The following OR51V1 variants were observed in gnomAD, a reference collection of about 807,000 sequenced individuals.
OR51V1 encodes the protein olfactory receptor family 51 subfamily V member 1, also known as olfactory receptor 51V1.
OR51V1 carries 16 observed loss-of-function variants against 16.3 expected under a neutral mutation model. That is an observed-to-expected ratio of 0.98 (90% CI 0.67 to 1.49). The LOEUF is 1.49. Among genes scored for constraint, OR51V1 ranks in the 40% most tolerant of loss-of-function variants. OR51V1 has a pLI of 0.00. For missense variants in OR51V1, 469 were observed against 380.4 expected (o/e 1.23, Z -1.94); for synonymous variants, 189 against 142.2 (o/e 1.33, Z -2.34).
rs11036212 is a variant in OR51V1, at chr11:5,200,595, G to A, written c.88C>T (p.Leu30Phe). 0.78 allele frequency: 1,264,631 copies of A among 1,612,382 alleles called. 504,118 individuals are homozygous for A. Among genetic ancestry groups the A allele is most frequent in the Middle Eastern group, 0.85 (5,148 of 6,060 alleles). The change falls in exon 1 of 1, where the codon CTT (leucine) becomes TTT (phenylalanine). Residue 30 changes from leucine to phenylalanine, a missense_variant. By Grantham distance (22) the Leu-to-Phe change is conservative (BLOSUM62 0). Coordinates refer to ENST00000641270, the MANE Select transcript of OR51V1 (RefSeq NM_001004760.3). ...TAGATTGAGGAGAAGGGGATGGAAA[G>A]CCAGGGGTATTGCTGCTCCATGCCA... is the stretch of plus-strand genomic sequence containing the variant. Reference protein sequence around the residue: ...FSGMEQQYPWLSIPFSSIYAM... With the variant: ...FSGMEQQYPWFSIPFSSIYAM...
rs756693441 is a variant in OR51V1 at position 5,199,781 on chromosome 11, T to C, written c.902A>G (p.Gln301Arg). ...GAGTCTAAGCATTCTGGTATGAATC[T>C]GTTGGGTCTTGACACTGTAGATGAT... Reference protein sequence around the residue: ...NPIIYSVKTQQIHTRMLRLFS... With the variant: ...NPIIYSVKTQRIHTRMLRLFS... The change falls in exon 1 of 1, where the codon CAG (glutamine) becomes CGG (arginine). Residue 301 changes from glutamine (Q) to arginine (R), a missense_variant. Coordinates refer to ENST00000641270, the MANE Select transcript of OR51V1 (RefSeq NM_001004760.3). 6.2e-7 allele frequency: 1 copy of C among 1,613,072 alleles called. No homozygotes were observed. Among genetic ancestry groups the C allele is most frequent in the South Asian group, 1.1e-5 (1 of 91,008 alleles).
rs754812036 is a variant in OR51V1 at position 5,200,171 on chromosome 11, T to G, written c.512A>C (p.Tyr171Ser). Residue 171 changes from tyrosine (Y) to serine (S), a missense_variant, in exon 1 of 1, where the codon TAC becomes TCC. Physicochemically the swap from Tyr to Ser is moderately radical, Grantham distance 144. Coordinates refer to ENST00000641270, the MANE Select transcript of OR51V1 (RefSeq NM_001004760.3). ...GTGAGAAAGGATGTGGAAATGACAGTAATTAAAAAATTTCAGACAGATGAT... is the reference window on the plus strand; with the variant it reads ...GTGAGAAAGGATGTGGAAATGACAGGAATTAAAAAATTTCAGACAGATGAT... ...PPIICLKFFN[Y>S]CHFHILSHSF... 26 of 1,612,922 alleles carry G rather than the reference T, an allele frequency of 1.6e-5. No individual in the cohort carries two copies. Among genetic ancestry groups the G allele is most frequent in the Non-Finnish European group, 2.1e-5 (25 of 1,179,174 alleles).
rs1355166280 is a variant in OR51V1, at chr11:5,199,891, C to T, written c.792G>A (p.Val264=). ...FYIPIISLTM[V]HRFGKHLSPV... ...GGGAAAGGTGCTTGCCAAAACGGTG[C>T]ACCATTGTGAGGCTAATGATAGGGA... Residue 264 remains valine, a synonymous_variant, in exon 1 of 1, where the codon GTG becomes GTA. Coordinates refer to ENST00000641270, the MANE Select transcript of OR51V1 (RefSeq NM_001004760.3). 2 of 1,613,890 alleles carry T rather than the reference C, an allele frequency of 1.2e-6. No individual in the cohort carries two copies. The highest frequency in any genetic ancestry group is 1.3e-5 in the African/African-American group (1 of 74,878).
rs367618530 is a variant in OR51V1, at chr11:5,199,856, T to C, written c.827A>G (p.His276Arg). Residue 276 changes from histidine (H) to arginine (R), a missense_variant, in exon 1 of 1, where the codon CAC (histidine) becomes CGC (arginine). Physicochemically the swap from His to Arg is conservative, Grantham distance 29. Coordinates refer to ENST00000641270, the MANE Select transcript of OR51V1 (RefSeq NM_001004760.3). ...GATGTAGATGTTGCCAATGAGAACG[T>C]GGGCCACGGGGGAAAGGTGCTTGCC... is the stretch of plus-strand genomic sequence containing the variant. Reference protein sequence around the residue: ...RFGKHLSPVAHVLIGNIYILF... With the variant: ...RFGKHLSPVARVLIGNIYILF... The C allele has an allele frequency of 6.2e-7, 1 of 1,614,140 alleles. No homozygotes were observed.
Position 5,199,840 on chromosome 11 carries a change from G to A in OR51V1, c.843C>T (p.Asn281=), listed in dbSNP as rs1847186740. 1 of 1,614,140 alleles carries A rather than the reference G, an allele frequency of 6.2e-7. No individual in the cohort carries two copies. Among genetic ancestry groups the A allele is most frequent in the Non-Finnish European group, 8.5e-7 (1 of 1,180,008 alleles). The change falls in exon 1 of 1, where the codon AAC becomes AAT. Residue 281 remains asparagine (N), a synonymous_variant. Transcript: ENST00000641270. Reference sequence around the variant, plus strand: ...TTAAAGGTGGGAAAAGGATGTAGATGTTGCCAATGAGAACGTGGGCCACGG... The same window carrying A: ...TTAAAGGTGGGAAAAGGATGTAGATATTGCCAATGAGAACGTGGGCCACGG... The part of the protein sequence containing the change: ...LSPVAHVLIG[N]IYILFPPLMN...
rs1174548948 is a variant in OR51V1 at position 5,200,110 on chromosome 11, G to A, written c.573C>T (p.Ala191=). ...FCLHQDLLRL[A]CSDIRFNSYY... is the part of the protein sequence containing the mutation. ...AACTATTGAATCGGATGTCTGAACA[G>A]GCTAAGCGGAGAAGATCCTGGTGCA... Residue 191 remains alanine, a synonymous_variant, in exon 1 of 1, where the codon GCC becomes GCT. Transcript: ENST00000641270. 6.2e-7 allele frequency: 1 copy of A among 1,613,866 alleles called. No individual in the cohort carries two copies. Among genetic ancestry groups the A allele is most frequent in the Non-Finnish European group, 8.5e-7 (1 of 1,179,770 alleles).
chr11:5,200,554 C>T lies in OR51V1; in HGVS notation c.129G>A (p.Leu43=), dbSNP rs139710987. The change falls in exon 1 of 1, where the codon TTG becomes TTA. Residue 43 remains leucine (L), a synonymous_variant. Transcript: ENST00000641270. ...TCACATGGAGAACCATGCAATTGCC[C>T]AAAAGCACCATGGCATAGATTGAGG... ...PFSSIYAMVL[L]GNCMVLHVIW... is the part of the protein sequence containing the mutation. The T allele has an allele frequency of 7.7e-4, 1,239 of 1,613,806 alleles. 1 individual carries two copies. The highest frequency in any genetic ancestry group is 9.9e-4 in the Non-Finnish European group (1,169 of 1,179,804).
In OR51V1 at chr11:5,199,854, C is replaced by T. The variant is rs201148803; in HGVS notation, c.829G>A (p.Val277Ile). ...FGKHLSPVAHVLIGNIYILFP... is the reference protein window; with the variant it reads ...FGKHLSPVAHILIGNIYILFP... ...AGGATGTAGATGTTGCCAATGAGAA[C>T]GTGGGCCACGGGGGAAAGGTGCTTG... Residue 277 changes from valine to isoleucine, a missense_variant, in exon 1 of 1, where the codon GTT (valine) becomes ATT (isoleucine). By Grantham distance (29) the Val-to-Ile change is conservative. Coordinates refer to ENST00000641270, the MANE Select transcript of OR51V1 (RefSeq NM_001004760.3). The T allele has an allele frequency of 9.9e-6, 16 of 1,614,072 alleles. 1 individual carries two copies. The East Asian group carries it at 1.1e-4, about 11-fold the overall frequency.
rs781234402 is a variant in OR51V1 at position 5,199,820 on chromosome 11, G to A, written c.863C>T (p.Pro288Leu). 2.5e-6 allele frequency: 4 copies of A among 1,613,858 alleles called. No individual in the cohort carries two copies. The African/African-American group carries it at 5.3e-5, about 22-fold the overall frequency. Residue 288 changes from proline to leucine, a missense_variant, in exon 1 of 1, where the codon CCT becomes CTT. Physicochemically the swap from Pro to Leu is moderately conservative, Grantham distance 98. Transcript: ENST00000641270. The part of the protein sequence containing the change: ...LIGNIYILFP[P>L]LMNPIIYSVK... The stretch of plus-strand genomic sequence containing the variant: ...ACTGTAGATGATGGGATTCATTAAA[G>A]GTGGGAAAAGGATGTAGATGTTGCC...
rs769040697 is a variant in OR51V1 at position 5,199,977 on chromosome 11, C to A, written c.706G>T (p.Glu236Ter). 6.2e-7 allele frequency: 1 copy of A among 1,614,106 alleles called. No individual in the cohort carries two copies. The change falls in exon 1 of 1, where the codon GAG becomes TAG. Residue 236 changes from glutamate to a stop codon, truncating the protein, a stop_gained. Transcript: ENST00000641270. LOFTEE classifies it high-confidence loss of function. Reference protein sequence around the residue: ...KSVLAVASQEERHKLFQTCIS... With the variant: ...KSVLAVASQE ...CAGGTCTGAAATAATTTATGCCTCT[C>A]TTCCTGAGAGGCAACTGCCAGGACT...
At position 5,199,809 on chromosome 11, in the gene OR51V1, G is replaced by A; in HGVS notation, c.874C>T (p.Pro292Ser). 2 of 1,613,776 alleles carry A rather than the reference G, an allele frequency of 1.2e-6. No individual in the cohort carries two copies. The highest frequency in any genetic ancestry group is 1.1e-5 in the South Asian group (1 of 91,068). ...TGGGTCTTGACACTGTAGATGATGG[G>A]ATTCATTAAAGGTGGGAAAAGGATG... ...IYILFPPLMN[P>S]IIYSVKTQQI... The change falls in exon 1 of 1, where the codon CCC (proline) becomes TCC (serine). Residue 292 changes from proline (P) to serine (S), a missense_variant. Coordinates refer to ENST00000641270, the MANE Select transcript of OR51V1 (RefSeq NM_001004760.3).
chr11:5,200,242 A>G lies in OR51V1; in HGVS notation c.441T>C (p.Ile147=), dbSNP rs1489127579. 1 of 1,613,952 alleles carries G rather than the reference A, an allele frequency of 6.2e-7. No individual in the cohort carries two copies. The highest frequency in any genetic ancestry group is 1.1e-5 in the South Asian group (1 of 91,076). ...SILTNSRIIK[I]GLTIIGRSFF... is the part of the protein sequence containing the mutation. ...AACTCCTACCTATTATAGTGAGCCCAATTTTGATAATTCTGGAATTAGTCA... is the reference window on the plus strand; with the variant it reads ...AACTCCTACCTATTATAGTGAGCCCGATTTTGATAATTCTGGAATTAGTCA... The change falls in exon 1 of 1, where the codon ATT becomes ATC. Residue 147 remains isoleucine (I), a synonymous_variant. Transcript: ENST00000641270.
In OR51V1 at chr11:5,200,567, G is replaced by A; in HGVS notation, c.116C>T (p.Ala39Val). The change falls in exon 1 of 1, where the codon GCC becomes GTC. Residue 39 changes from alanine to valine, a missense_variant. Physicochemically the swap from Ala to Val is moderately conservative, Grantham distance 64. Transcript: ENST00000641270. ...CATGCAATTGCCCAAAAGCACCATG[G>A]CATAGATTGAGGAGAAGGGGATGGA... ...WLSIPFSSIY[A>V]MVLLGNCMVL... 5.0e-6 allele frequency: 8 copies of A among 1,613,730 alleles called. No homozygotes were observed. The highest frequency in any genetic ancestry group is 1.3e-5 in the African/African-American group (1 of 74,982).
rs1267977365 is a variant in OR51V1 at position 5,199,936 on chromosome 11, A to G, written c.747T>C (p.Cys249=). ...KLFQTCISHI[C]AVLVFYIPII... is the part of the protein sequence containing the mutation. ...TAGGGATGTAGAACACAAGGACAGC[A>G]CAGATGTGGGAGATGCAGGTCTGAA... Residue 249 remains cysteine (C), a synonymous_variant, in exon 1 of 1, where the codon TGT becomes TGC. Coordinates refer to ENST00000641270, the MANE Select transcript of OR51V1 (RefSeq NM_001004760.3). 1 of 1,614,044 alleles carries G rather than the reference A, an allele frequency of 6.2e-7. No individual in the cohort carries two copies. The highest frequency in any genetic ancestry group is 1.1e-5 in the South Asian group (1 of 91,076).
At position 5,199,904 on chromosome 11, in the gene OR51V1, C is replaced by T; in HGVS notation, c.779G>A (p.Ser260Asn). The change falls in exon 1 of 1, where the codon AGC (serine) becomes AAC (asparagine). Residue 260 changes from serine to asparagine, a missense_variant. By Grantham distance (46) the Ser-to-Asn change is conservative. Transcript: ENST00000641270. ...AVLVFYIPII[S>N]LTMVHRFGKH... ...GCCAAAACGGTGCACCATTGTGAGG[C>T]TAATGATAGGGATGTAGAACACAAG... 6.2e-7 allele frequency: 1 copy of T among 1,613,936 alleles called. No individual in the cohort carries two copies.
chr11:5,199,757 A>G lies in OR51V1; in HGVS notation c.926T>C (p.Leu309Pro), dbSNP rs1351833334. The G allele has an allele frequency of 1.2e-6, 2 of 1,604,844 alleles. No individual in the cohort carries two copies. The highest frequency in any genetic ancestry group is 1.1e-5 in the South Asian group (1 of 90,364). ...CTCTCAATATCTTTTCAGAGAAAAG[A>G]GTCTAAGCATTCTGGTATGAATCTG... ...TQQIHTRMLR[L>P]FSLKRY The change falls in exon 1 of 1, where the codon CTC becomes CCC. Residue 309 changes from leucine (L) to proline (P), a missense_variant. Physicochemically the swap from Leu to Pro is moderately conservative, Grantham distance 98. Transcript: ENST00000641270.
rs1847191137 is a variant in OR51V1, at chr11:5,200,152, A to C, written c.531T>G (p.Leu177=). ...CCTGGTGCAGGCAGAAAGAGTGAGAAAGGATGTGGAAATGACAGTAATTAA... is the reference window on the plus strand; with the variant it reads ...CCTGGTGCAGGCAGAAAGAGTGAGACAGGATGTGGAAATGACAGTAATTAA... ...KFFNYCHFHI[L]SHSFCLHQDL... Residue 177 remains leucine (L), a synonymous_variant, in exon 1 of 1, where the codon CTT becomes CTG. Coordinates refer to ENST00000641270, the MANE Select transcript of OR51V1 (RefSeq NM_001004760.3). The C allele has an allele frequency of 6.2e-7, 1 of 1,612,676 alleles. No homozygotes were observed. Among genetic ancestry groups the C allele is most frequent in the Non-Finnish European group, 8.5e-7 (1 of 1,178,982 alleles).
In OR51V1 at chr11:5,200,499, T is replaced by C. The variant is rs762114515; in HGVS notation, c.184A>G (p.Met62Val). ...GCCAGCATGGACAGGAAGTAAAACA[T>C]AGGCTGGTGCAGGCTTGGCTCAGTC... ...IWTEPSLHQP[M>V]FYFLSMLALT... Residue 62 changes from methionine (M) to valine (V), a missense_variant, in exon 1 of 1, where the codon ATG becomes GTG. By Grantham distance (21) the Met-to-Val change is conservative (BLOSUM62 1). Transcript: ENST00000641270. The C allele has an allele frequency of 1.2e-6, 2 of 1,613,102 alleles. No homozygotes were observed. Among genetic ancestry groups the C allele is most frequent in the Non-Finnish European group, 8.5e-7 (1 of 1,179,764 alleles).
Position 5,200,602 on chromosome 11 carries a change from G to T in OR51V1, c.81C>A (p.Tyr27Ter). 1.2e-6 allele frequency: 2 copies of T among 1,613,198 alleles called. No homozygotes were observed. The highest frequency in any genetic ancestry group is 8.5e-7 in the Non-Finnish European group (1 of 1,179,162). ...LTGFSGMEQQ[Y>*]PWLSIPFSSI... ...AGGAGAAGGGGATGGAAAGCCAGGG[G>T]TATTGCTGCTCCATGCCAGAAAATC... Residue 27 changes from tyrosine (Y) to a stop codon, truncating the protein, a stop_gained, in exon 1 of 1, where the codon TAC becomes TAA. Coordinates refer to ENST00000641270, the MANE Select transcript of OR51V1 (RefSeq NM_001004760.3). LOFTEE classifies it high-confidence loss of function.
Sources: allele counts gnomAD v4.1 joint callset, GRCh38; gene constraint gnomAD v4.1.1; transcripts MANE v1.5; gene names NCBI Gene and HGNC (gene_info 2026-07-23, HGNC 2026-07-21).